NUBPL: variants seen among roughly 807,000 people sequenced by gnomAD.
NUBPL encodes the protein NUBP iron-sulfur cluster assembly factor, mitochondrial, also known as iron-sulfur cluster transfer protein NUBPL.
Under a neutral mutation model 45.7 loss-of-function variants are expected in NUBPL, and 31 were observed. The observed-to-expected ratio is 0.68, with a 90% confidence interval of 0.51 to 0.92. The LOEUF (loss-of-function observed/expected upper bound fraction) is 0.92. NUBPL is among the 40% of genes least tolerant of loss of function. The probability of loss-of-function intolerance (pLI) is 0.00; values close to 1 mark genes in which losing one functional copy is unlikely to be tolerated. For synonymous variants in NUBPL, 144 were observed against 140.9 expected (o/e 1.02, Z -0.15); for missense variants, 401 against 398.7 (o/e 1.01, Z -0.05).
Position 31,631,723 on chromosome 14 carries a change from C to T in NUBPL, c.382+32344C>T, listed in dbSNP as rs187361638. Among the ~76,000 whole-genome samples, 127 of 152,202 alleles carry T rather than the reference C, an allele frequency of 8.3e-4. 1 individual carries two copies. Among genetic ancestry groups the T allele is most frequent in the African/African-American group, 2.7e-3 (113 of 41,528 alleles). ...CAAAGGCAGAAAACCGACATCCAAG[C>T]TCAAAGATAGGCAGAGAGTGAATTC... On this transcript the variant is annotated intron_variant, in intron 4 of 10. Coordinates refer to ENST00000281081, the MANE Select transcript of NUBPL (RefSeq NM_025152.3).
chr14:31,629,554 T>C (rs2035290128), intron 4 of NUBPL, among the ~76,000 whole-genome samples: 1 of 152,144 alleles, frequency 6.6e-6, no homozygotes, highest in Non-Finnish European at 1.5e-5. Context: ...GATACAAAAG[T>C]TGTCCTCAAG....
chr14:31,623,040 G>T (rs952589725), intron 4 of NUBPL, among the ~76,000 whole-genome samples: 3 of 152,216 alleles, frequency 2.0e-5, no homozygotes, highest in African/African-American at 7.2e-5. Context: ...AGAGCCACAG[G>T]GGTGGAGCTG....
chr14:31,676,544 G>C lies in NUBPL; in HGVS notation c.513+2970G>C, dbSNP rs141946128. 2.0e-4 allele frequency among the ~76,000 whole-genome samples: 31 copies of C among 151,908 alleles called. 1 individual carries two copies. The East Asian group carries it at 5.8e-3, about 28-fold the overall frequency. On this transcript the variant is annotated intron_variant, in intron 6 of 10. Coordinates refer to ENST00000281081, the MANE Select transcript of NUBPL (RefSeq NM_025152.3). ...TCTATAATACTTTTACAGTTGTTCA[G>C]AAGTTTTCCAGTTGCTTCACATTTG...
At chr14:31,712,144 C>CTA (rs2037587662) in intron 6 of NUBPL, among the ~76,000 whole-genome samples, 1 of 152,206 alleles carries the variant, frequency 6.6e-6, no homozygotes, top group Non-Finnish European at 1.5e-5. Flanking sequence ...CACCCACATC[C>CTA]TACTGATTGG....
At chr14:31,781,688 G>A (rs976978558) in intron 6 of NUBPL, among the ~76,000 whole-genome samples, 2 of 152,098 alleles carry the variant, frequency 1.3e-5, no homozygotes, top group Non-Finnish European at 2.9e-5. Flanking sequence ...AACATTCACT[G>A]CCTAGAAAGA....
chr14:31,705,362 G>A (rs371164651), intron 6 of NUBPL, among the ~76,000 whole-genome samples: 4 of 152,186 alleles, frequency 2.6e-5, no homozygotes, highest in South Asian at 4.1e-4. Flanking sequence ...GCGGGTCGCC[G>A]GCTGCTGGCT....
At chr14:31,788,000 A>G (rs1368889766) in intron 7 of NUBPL, 127 bp downstream of exon 7, 6 of 660,952 alleles carry the variant, frequency 9.1e-6, no homozygotes, top group Admixed American at 4.7e-5. Flanking sequence ...TAAATTTTTC[A>G]TTAGAGATCA....
chr14:31,702,743 A>C (rs370876651), intron 6 of NUBPL, among the ~76,000 whole-genome samples: 3 of 152,306 alleles, frequency 2.0e-5, no homozygotes, highest in African/African-American at 7.2e-5. Flanking sequence ...GAGGTCTACT[A>C]ATTCTGTTAT....
Position 31,834,221 on chromosome 14 carries a change from G to GC in NUBPL, c.693+7509dup, listed in dbSNP as rs530354175. Reference sequence around the variant, plus strand: ...TTTTGAGACAGAGTCTTGCTCTGTCGCCAGGCTGGAGTGCAGTGGTGTAAT... The same window carrying GC: ...TTTTGAGACAGAGTCTTGCTCTGTCGCCCAGGCTGGAGTGCAGTGGTGTAAT... On this transcript the variant is annotated intron_variant, in intron 8 of 10. Coordinates refer to ENST00000281081, the MANE Select transcript of NUBPL (RefSeq NM_025152.3). 9.4e-3 allele frequency among the ~76,000 whole-genome samples: 1,193 copies of GC among 126,612 alleles called. 9 individuals are homozygous for GC. Among genetic ancestry groups the GC allele is most frequent in the Middle Eastern group, 0.029 (5 of 170 alleles). 83.1% of individuals were successfully genotyped at this position (126,612 alleles called of 152,430 possible).
chr14:31,809,049 G>T (rs542005694), intron 7 of NUBPL, among the ~76,000 whole-genome samples: 1 of 151,276 alleles, frequency 6.6e-6, no homozygotes, highest in Admixed American at 6.6e-5. Context: ...TTGCATCGAT[G>T]TTCATCAGGG....
intron 3 of NUBPL, among the ~76,000 whole-genome samples, chr14:31,566,407 G>A (rs2033434859): frequency 6.6e-6 from 1 of 152,080 alleles, no homozygotes; most frequent in South Asian, 2.1e-4. Context: ...CTCTAAAGTT[G>A]CGCTTCTAGA....
intron 4 of NUBPL, among the ~76,000 whole-genome samples, chr14:31,634,661 C>A (rs1171297839): frequency 6.6e-6 from 1 of 152,158 alleles, no homozygotes; most frequent in Non-Finnish European, 1.5e-5. Flanking sequence ...GAGGAATCGC[C>A]ACACTGACTT....
At chr14:31,568,402 C>T (rs1047177599) in intron 3 of NUBPL, among the ~76,000 whole-genome samples, 1 of 152,104 alleles carries the variant, frequency 6.6e-6, no homozygotes, top group Non-Finnish European at 1.5e-5. Context: ...ACACGCCCTT[C>T]GAGGCTGAAC....
intron 6 of NUBPL, among the ~76,000 whole-genome samples, chr14:31,742,870 G>T (rs1201020474): frequency 6.6e-6 from 1 of 151,538 alleles, no homozygotes; most frequent in Non-Finnish European, 1.5e-5. Flanking sequence ...GCCTCCCGAA[G>T]TGCTGGGATT....
At chr14:31,782,725 G>T (rs904981337) in intron 6 of NUBPL, among the ~76,000 whole-genome samples, 1 of 151,962 alleles carries the variant, frequency 6.6e-6, no homozygotes, top group Non-Finnish European at 1.5e-5. Flanking sequence ...AGACGAGGTT[G>T]CAGTGAGCCA....
At chr14:31,834,150 A>G (rs2040236055) in intron 8 of NUBPL, among the ~76,000 whole-genome samples, 1 of 151,376 alleles carries the variant, frequency 6.6e-6, no homozygotes, top group African/African-American at 2.4e-5. Flanking sequence ...AAAACAAAAA[A>G]CAGAGACAAG....
chr14:31,642,646 T>C (rs1950715090), intron 4 of NUBPL, among the ~76,000 whole-genome samples: 1 of 152,226 alleles, frequency 6.6e-6, no homozygotes, highest in Non-Finnish European at 1.5e-5. Context: ...TTCTTTGTGC[T>C]CAGGGTTGTT....
intron 6 of NUBPL, among the ~76,000 whole-genome samples, chr14:31,731,423 A>C (rs2038046154): frequency 6.6e-6 from 1 of 152,228 alleles, no homozygotes; most frequent in Admixed American, 6.5e-5. Flanking sequence ...GGGTTTCAGC[A>C]TCACTTCTTA....
At chr14:31,627,180 A>C (rs1219077739) in intron 4 of NUBPL, among the ~76,000 whole-genome samples, 1 of 152,110 alleles carries the variant, frequency 6.6e-6, no homozygotes, top group Non-Finnish European at 1.5e-5. Flanking sequence ...GGGAGGAAAA[A>C]AGGGAATTGA....
Sources: allele counts gnomAD v4.1 joint callset (sites outside exome capture counted in the v4.1 genomes callset), GRCh38; gene constraint gnomAD v4.1.1; transcripts MANE v1.5; gene names NCBI Gene and HGNC (gene_info 2026-07-23, HGNC 2026-07-21).